The following MAGI2 variants were observed in gnomAD, a reference collection of about 807,000 sequenced individuals.
MAGI2 encodes membrane associated guanylate kinase, WW and PDZ domain containing 2, also known as membrane-associated guanylate kinase, WW and PDZ domain-containing protein 2.
Under a neutral mutation model 133.3 loss-of-function variants are expected in MAGI2, and 35 were observed. The ratio of observed to expected loss-of-function variants is 0.26; its 90% confidence interval spans 0.20 to 0.35. The LOEUF (loss-of-function observed/expected upper bound fraction) is 0.35, where lower values mean the gene tolerates loss of function less well. MAGI2 is among the 10% of genes least tolerant of loss of function. MAGI2 has a pLI of 1.00. For missense variants in MAGI2, 1,636 were observed against 1,863.4 expected (o/e 0.88, Z 2.25); for synonymous variants, 729 against 710.6 (o/e 1.03, Z -0.41).
Position 78,810,786 on chromosome 7 carries a change from A to G in MAGI2, c.419-183547T>C, listed in dbSNP as rs553076235. Among the ~76,000 whole-genome samples, 5 of 152,172 alleles carry G rather than the reference A, an allele frequency of 3.3e-5. No individual in the cohort carries two copies. The South Asian group carries it at 1.0e-3, about 32-fold the overall frequency. On this transcript the variant is annotated intron_variant, in intron 2 of 21. Coordinates refer to ENST00000354212, the MANE Select transcript of MAGI2 (RefSeq NM_012301.4). The stretch of plus-strand genomic sequence containing the variant: ...TGTGAAGAATTGTCTGTTTCTTTCT[A>G]TGAACTAAACTCATAGTAATGTCAT...
At chr7:78,649,505 C>G (rs1563295242) in intron 2 of MAGI2, among the ~76,000 whole-genome samples, 1 of 152,042 alleles carries the variant, frequency 6.6e-6, no homozygotes, top group Non-Finnish European at 1.5e-5. Flanking sequence ...AGATCCAAAT[C>G]TTATGAATAT....
intron 9 of MAGI2, among the ~76,000 whole-genome samples, chr7:78,285,376 C>A (rs1047239106): frequency 1.3e-5 from 2 of 152,076 alleles, no homozygotes; most frequent in Non-Finnish European, 2.9e-5. Flanking sequence ...CAAAACAATT[C>A]AATTTTTTGA....
chr7:78,577,152 T>C (rs1802353790), intron 3 of MAGI2, among the ~76,000 whole-genome samples: 1 of 152,202 alleles, frequency 6.6e-6, no homozygotes, highest in African/African-American at 2.4e-5. Flanking sequence ...CATTATTTTA[T>C]TTCACTAATT....
At chr7:78,910,281 T>TA (rs1554603670) in intron 2 of MAGI2, among the ~76,000 whole-genome samples, 6,683 of 148,744 alleles carry the variant, frequency 0.045, 345 homozygotes, top group African/African-American at 0.13. Context: ...TTTTTTTTTT[T>TA]AAAGGAAAAA....
chr7:78,037,011 A>G (rs886358536), intron 21 of MAGI2, among the ~76,000 whole-genome samples: 1 of 151,704 alleles, frequency 6.6e-6, no homozygotes, highest in Non-Finnish European at 1.5e-5. Flanking sequence ...AGATGCTATG[A>G]GTAGAGCAAT....
intron 2 of MAGI2, among the ~76,000 whole-genome samples, chr7:78,676,099 G>T (rs1410027962): frequency 1.3e-5 from 2 of 152,110 alleles, no homozygotes; most frequent in Non-Finnish European, 2.9e-5. Flanking sequence ...GTAATAAGAA[G>T]TATATGCAAT....
intron 2 of MAGI2, among the ~76,000 whole-genome samples, chr7:78,711,958 GCTTTCTAT>G (rs1819238284): frequency 6.6e-6 from 1 of 152,106 alleles, no homozygotes; most frequent in African/African-American, 2.4e-5. Flanking sequence ...AGAGTCCTAA[GCTTTCTAT>G]CTTTCTTATA....
chr7:78,861,089 G>A (rs1794121726), intron 2 of MAGI2, among the ~76,000 whole-genome samples: 1 of 152,138 alleles, frequency 6.6e-6, no homozygotes, highest in Non-Finnish European at 1.5e-5. Flanking sequence ...TAAGGCCATT[G>A]GAAAAGTGCA....
At chr7:78,264,017 C>T (rs370210908) in intron 9 of MAGI2, among the ~76,000 whole-genome samples, 16 of 152,266 alleles carry the variant, frequency 1.1e-4, no homozygotes, top group African/African-American at 3.6e-4. Context: ...TTTTAAACCA[C>T]CTTTCTGACC....
intron 20 of MAGI2, among the ~76,000 whole-genome samples, chr7:78,110,159 C>T (rs1819210596): frequency 6.6e-6 from 1 of 152,140 alleles, no homozygotes; most frequent in Non-Finnish European, 1.5e-5. Context: ...TGAAAACAAC[C>T]TCTTTCCAAT....
intron 5 of MAGI2, among the ~76,000 whole-genome samples, chr7:78,493,914 T>C (rs944306263): frequency 6.6e-6 from 1 of 152,260 alleles, no homozygotes. Flanking sequence ...ATAATACCAC[T>C]GGAAAGTTTT....
rs1264676549 is a variant in MAGI2 at position 78,817,101 on chromosome 7, G to A, written c.419-189862C>T. Among the ~76,000 whole-genome samples, 2 of 152,110 alleles carry A rather than the reference G, an allele frequency of 1.3e-5. 1 individual carries two copies. Among genetic ancestry groups the A allele is most frequent in the Non-Finnish European group, 2.9e-5 (2 of 68,036 alleles). On this transcript the variant is annotated intron_variant, in intron 2 of 21. Transcript: ENST00000354212. ...TCCAACCGTCATGGATGACTTTTAG[G>A]GGTTCAAGATTTCAGTGGAGGAGGT...
At chr7:79,236,754 A>G (rs771106534) in intron 1 of MAGI2, among the ~76,000 whole-genome samples, 7 of 152,276 alleles carry the variant, frequency 4.6e-5, no homozygotes, top group Non-Finnish European at 1.0e-4. Flanking sequence ...AAAGAAAAAC[A>G]AACACTTAAA....
At chr7:79,389,565 T>C (rs2129149285) in intron 1 of MAGI2, among the ~76,000 whole-genome samples, 2 of 152,290 alleles carry the variant, frequency 1.3e-5, no homozygotes, top group Middle Eastern at 6.8e-3. Context: ...CATTATTCTA[T>C]TTTAAAAGTT....
chr7:78,671,673 A>G (rs1385719876), intron 2 of MAGI2, among the ~76,000 whole-genome samples: 1 of 152,186 alleles, frequency 6.6e-6, no homozygotes, highest in East Asian at 1.9e-4. Flanking sequence ...CTGCATAAAG[A>G]AAGAATTCTA....
At chr7:78,155,233 A>C (rs1824273323) in intron 16 of MAGI2, among the ~76,000 whole-genome samples, 1 of 152,178 alleles carries the variant, frequency 6.6e-6, no homozygotes, top group Admixed American at 6.5e-5. Context: ...CCTTGGGCCC[A>C]ATGTTAAGGT....
At chr7:78,437,513 G>A (rs918062678) in intron 6 of MAGI2, among the ~76,000 whole-genome samples, 1 of 152,190 alleles carries the variant, frequency 6.6e-6, no homozygotes, top group African/African-American at 2.4e-5. Context: ...CTCACATGCA[G>A]GAAATGGGCC....
intron 6 of MAGI2, among the ~76,000 whole-genome samples, chr7:78,464,694 A>G (rs1414744436): frequency 6.6e-6 from 1 of 151,950 alleles, no homozygotes; most frequent in Non-Finnish European, 1.5e-5. Flanking sequence ...GTGTTTTTAA[A>G]TCCTAGGTCA....
intron 20 of MAGI2, among the ~76,000 whole-genome samples, chr7:78,119,405 A>G (rs568170400): frequency 6.6e-6 from 1 of 151,876 alleles, no homozygotes; most frequent in East Asian, 1.9e-4. Flanking sequence ...CTAAAAGTAC[A>G]AAAAAATTAG....
Sources: gnomAD v4.1 joint callset for allele counts (sites outside exome capture counted in the v4.1 genomes callset) on GRCh38, gnomAD v4.1.1 for gene constraint, MANE v1.5 for transcripts, NCBI Gene and HGNC (gene_info 2026-07-23, HGNC 2026-07-21) for gene names.